The following RELCH variants were observed in gnomAD, a reference collection of about 807,000 sequenced individuals.
The protein encoded by RELCH is RAB11 binding and LisH domain, coiled-coil and HEAT repeat containing, also known as RAB11-binding protein RELCH.
RELCH carries 41 observed loss-of-function variants against 150.3 expected under a neutral mutation model. The ratio of observed to expected loss-of-function variants is 0.27; its 90% CI spans 0.21 to 0.35. RELCH has a LOEUF of 0.35. Ranked by LOEUF, RELCH falls within the 10% of genes least tolerant of loss-of-function variation. RELCH has a pLI of 1.00. For missense variants in RELCH, 1,092 were observed against 1,467.8 expected (o/e 0.74, Z 4.18); for synonymous variants, 478 against 531.8 (o/e 0.90, Z 1.39).
intron 1 of RELCH, among the ~76,000 whole-genome samples, chr18:62,191,793 A>G (rs2038662507): frequency 6.6e-6 from 1 of 152,118 alleles, no homozygotes; most frequent in Non-Finnish European, 1.5e-5. Context: ...CCAGTCTTTC[A>G]TTGATGGGCA....
At chr18:62,199,821 C>T (rs1325008177) in intron 1 of RELCH, among the ~76,000 whole-genome samples, 10 of 152,194 alleles carry the variant, frequency 6.6e-5, no homozygotes, top group Non-Finnish European at 1.0e-4. Context: ...GCCACTCCCT[C>T]ATTGCATGAC....
intron 25 of RELCH, among the ~76,000 whole-genome samples, chr18:62,283,595 G>C (rs1278652192): frequency 1.3e-5 from 2 of 152,162 alleles, no homozygotes; most frequent in Admixed American, 1.3e-4. Context: ...AAAATCGATT[G>C]AAGGCATGCA....
intron 20 of RELCH, chr18:62,269,448 G>T: frequency 2.4e-6 from 1 of 413,440 alleles, no homozygotes; most frequent in South Asian, 1.7e-5. Flanking sequence ...GAGATATCTT[G>T]GGAATGGGAC....
chr18:62,279,680 C>A (rs2044400578), intron 22 of RELCH, 94 bp from the exon 23 acceptor site: 2 of 806,444 alleles, frequency 2.5e-6, no homozygotes, highest in Non-Finnish European at 3.9e-6. Context: ...TGTTTTCTCT[C>A]TTTCTCTTGG....
intron 10 of RELCH, among the ~76,000 whole-genome samples, chr18:62,243,361 T>C (rs915251563): frequency 2.2e-5 from 3 of 134,432 alleles, no homozygotes; most frequent in Non-Finnish European, 5.0e-5. Context: ...GGAAAACATA[T>C]AGGATCTACA....
chr18:62,228,310 T>G lies in RELCH; in HGVS notation c.1160T>G (p.Met387Arg). 6.2e-7 allele frequency: 1 copy of G among 1,608,662 alleles called. No individual in the cohort carries two copies. The highest frequency in any genetic ancestry group is 1.3e-5 in the African/African-American group (1 of 74,740). ...MEQIRRLKSE[M>R]DFLKNEHFAI... ...CTTAATTTCTCTTTCTACAGTGAAA[T>G]GGACTTCCTCAAAAATGAACACTTT... The change falls in exon 8 of 29, where the codon ATG becomes AGG. Residue 387 changes from methionine to arginine, a missense_variant. This residue lies in a region of RELCH where 707 missense variants were observed against 1,025.4 expected (regional missense o/e 0.69). Coordinates refer to ENST00000644646, the MANE Select transcript of RELCH (RefSeq NM_001346231.2).
chr18:62,270,318 G>C (rs2043822371), intron 20 of RELCH, among the ~76,000 whole-genome samples: 1 of 152,164 alleles, frequency 6.6e-6, no homozygotes, highest in African/African-American at 2.4e-5. Context: ...CAAAAGTAGG[G>C]AAGTAAGCCA....
chr18:62,277,436 C>G (rs1438367894), intron 22 of RELCH: 1 of 299,594 alleles, frequency 3.3e-6, no homozygotes, highest in Admixed American at 6.5e-5. Context: ...GTCAGTGGTT[C>G]TTATTTGAAC....
intron 20 of RELCH, among the ~76,000 whole-genome samples, chr18:62,273,543 A>G (rs1206279119): frequency 2.0e-5 from 3 of 152,182 alleles, no homozygotes; most frequent in African/African-American, 7.2e-5. Context: ...ATAAAAGATT[A>G]TACTTTTTAA....
At chr18:62,256,042 T>C (rs948702658) in intron 13 of RELCH, among the ~76,000 whole-genome samples, 2 of 152,240 alleles carry the variant, frequency 1.3e-5, no homozygotes, top group Non-Finnish European at 2.9e-5. Context: ...TGCATCTTTT[T>C]AATATTCTGT....
Position 62,255,391 on chromosome 18 carries a change from A to T in RELCH, c.1825-16A>T, listed in dbSNP as rs1568386793. 13 of 1,574,324 alleles carry T rather than the reference A, an allele frequency of 8.3e-6. No homozygotes were observed. Among genetic ancestry groups the T allele is most frequent in the African/African-American group, 1.4e-5 (1 of 73,786 alleles). On this transcript the variant is annotated splice_polypyrimidine_tract_variant and intron_variant, in intron 12 of 28. Transcript: ENST00000644646. ...TATGCTGTTTATGCTTGATTTATTT[A>T]TTTTTTTTGCTCTAGATTAATCACA...
Position 62,258,011 on chromosome 18 carries a change from G to T in RELCH, c.1960G>T (p.Asp654Tyr). The change falls in exon 14 of 29, where the codon GAT becomes TAT. Residue 654 changes from aspartate to tyrosine, a missense_variant. This residue lies in a region of RELCH where 707 missense variants were observed against 1,025.4 expected (regional missense o/e 0.69). Transcript: ENST00000644646. ...ACAAATGTTAATGGAAGATAAGGCA[G>T]ATTTGGTAAGAGAAGCTGTTATCAA... ...LQQMLMEDKA[D>Y]LVREAVIKSL... is the part of the protein sequence containing the mutation. 6.2e-7 allele frequency: 1 copy of T among 1,608,236 alleles called. No homozygotes were observed. The highest frequency in any genetic ancestry group is 8.5e-7 in the Non-Finnish European group (1 of 1,176,758).
intron 2 of RELCH, among the ~76,000 whole-genome samples, chr18:62,219,552 ACCTTACACACTGAAT>A (rs982146600): frequency 2.6e-5 from 4 of 151,234 alleles, no homozygotes; most frequent in Non-Finnish European, 4.4e-5. Context: ...TTCTGTACTT[ACCTTACACACTGAAT>A]GTGTCCAGTC....
At chr18:62,224,890 G>A (rs938794334) in intron 5 of RELCH, among the ~76,000 whole-genome samples, 2 of 151,948 alleles carry the variant, frequency 1.3e-5, no homozygotes, top group African/African-American at 2.4e-5. Context: ...AAATTCATAT[G>A]AAAAGGAAAC....
rs1284451397 is a variant in RELCH at position 62,306,755 on chromosome 18, C to G, written c.*1221C>G. ...CTTGGTTTGAGGGGTTAATGTGAGGCCTTTTTGAAAAATGAATATTTTGAT... is the reference window on the plus strand; with the variant it reads ...CTTGGTTTGAGGGGTTAATGTGAGGGCTTTTTGAAAAATGAATATTTTGAT... On this transcript the variant is annotated 3_prime_UTR_variant, in exon 29 of 29. Coordinates refer to ENST00000644646, the MANE Select transcript of RELCH (RefSeq NM_001346231.2). 6.6e-6 allele frequency: 1 copy of G among 152,516 alleles called. No individual in the cohort carries two copies. The highest frequency in any genetic ancestry group is 6.6e-5 in the Admixed American group (1 of 15,266). 9.4% of individuals were successfully genotyped at this position (152,516 alleles called of 1,614,324 possible). A position where few individuals can be genotyped will look rare whatever the true frequency, so the allele number is the denominator to read the frequency against.
At chr18:62,202,908 A>G (rs1224822349) in intron 1 of RELCH, among the ~76,000 whole-genome samples, 1 of 152,248 alleles carries the variant, frequency 6.6e-6, no homozygotes, top group African/African-American at 2.4e-5. Flanking sequence ...TCACAGCACC[A>G]GAATATTGGT....
intron 26 of RELCH, 85 bp from the exon 27 acceptor site, chr18:62,291,458 T>C: frequency 1.4e-6 from 1 of 697,866 alleles, no homozygotes; most frequent in Non-Finnish European, 2.4e-6. Flanking sequence ...ATAAGAAGGC[T>C]TCTCTTTTAT....
At position 62,305,617 on chromosome 18, in the gene RELCH, G is replaced by C. The variant is rs1182840866; in HGVS notation, c.*83G>C. ...TGTACTTGAAGTACTTGCCTTTTTT[G>C]TTTCCTCAGTTTTATGTTCTTGCAT... is the stretch of plus-strand genomic sequence containing the variant. On this transcript the variant is annotated 3_prime_UTR_variant, in exon 29 of 29. Transcript: ENST00000644646. This position sits in a 1 kb window ranked among gnomAD's most constrained non-coding sequence, Gnocchi z 4.0. 3 of 1,399,052 alleles carry C rather than the reference G, an allele frequency of 2.1e-6. No homozygotes were observed. Among genetic ancestry groups the C allele is most frequent in the Non-Finnish European group, 2.9e-6 (3 of 1,038,072 alleles). The allele number at this position is 1,399,052 out of a possible 1,614,324, so 86.7% of individuals were successfully genotyped here.
intron 13 of RELCH, among the ~76,000 whole-genome samples, chr18:62,257,109 T>C (rs984593177): frequency 1.6e-4 from 24 of 152,208 alleles, no homozygotes; most frequent in African/African-American, 5.3e-4. Flanking sequence ...ATCGTAGTTA[T>C]TGTATGTAAA....
Sources: allele counts gnomAD v4.1 joint callset (sites outside exome capture counted in the v4.1 genomes callset), GRCh38; gene constraint gnomAD v4.1.1; regional missense constraint gnomAD v4.1.1; non-coding constraint Gnocchi (gnomAD v3.1); transcripts MANE v1.5; gene names NCBI Gene and HGNC (gene_info 2026-07-23, HGNC 2026-07-21).